Variants in PAH observed in about 807,000 individuals in gnomAD.
The protein encoded by PAH is phenylalanine-4-hydroxylase.
Under a neutral mutation model 62.0 loss-of-function variants are expected in PAH, and 64 were observed. The observed-to-expected ratio is 1.03, with a 90% confidence interval of 0.84 to 1.27. PAH has a LOEUF of 1.27. PAH is among the 50% of genes most tolerant of loss of function. The pLI is 0.00. For synonymous variants in PAH, 195 were observed against 196.2 expected (o/e 0.99, Z 0.05); for missense variants, 579 against 542.8 (o/e 1.07, Z -0.66).
intron 3 of PAH, among the ~76,000 whole-genome samples, chr12:102,891,401 C>G (rs1189286470): frequency 6.6e-6 from 1 of 152,272 alleles, no homozygotes; most frequent in Non-Finnish European, 1.5e-5. Flanking sequence ...ATGAAGGGGT[C>G]TGTAGGGCTG....
intron 3 of PAH, among the ~76,000 whole-genome samples, chr12:102,887,672 T>C (rs1877098950): frequency 6.6e-6 from 1 of 152,128 alleles, no homozygotes; most frequent in Non-Finnish European, 1.5e-5. Flanking sequence ...GTACTCCACA[T>C]AATCCCCTCC....
intron 4 of PAH, among the ~76,000 whole-genome samples, chr12:102,868,918 T>C (rs956963027): frequency 1.3e-5 from 2 of 152,222 alleles, no homozygotes; most frequent in African/African-American, 4.8e-5. Context: ...ATGTAGACTT[T>C]TGACCCTGTA....
chr12:102,842,384 T>G (rs1592946632), intron 11 of PAH, among the ~76,000 whole-genome samples: 1 of 152,106 alleles, frequency 6.6e-6, no homozygotes, highest in African/African-American at 2.4e-5. Flanking sequence ...CCACACCAAG[T>G]GGATTTGTGG....
At chr12:102,901,244 TA>T (rs1188587505) in intron 2 of PAH, among the ~76,000 whole-genome samples, 5 of 152,206 alleles carry the variant, frequency 3.3e-5, no homozygotes, top group Non-Finnish European at 5.9e-5. Flanking sequence ...TGACAAGAGA[TA>T]ATGGTATCTT....
intron 1 of PAH, among the ~76,000 whole-genome samples, chr12:102,939,776 G>A (rs752460204): frequency 1.4e-4 from 22 of 152,308 alleles, no homozygotes; most frequent in African/African-American, 2.2e-4. Flanking sequence ...AGGTACAAGC[G>A]ACAGGCCTTA....
chr12:102,884,604 G>A (rs1161901950), intron 3 of PAH, among the ~76,000 whole-genome samples: 1 of 152,130 alleles, frequency 6.6e-6, no homozygotes, highest in African/African-American at 2.4e-5. Context: ...TTTGGGGTGG[G>A]AAGAAACTGA....
At chr12:102,860,443 G>C (rs976517911) in intron 5 of PAH, among the ~76,000 whole-genome samples, 3 of 152,098 alleles carry the variant, frequency 2.0e-5, no homozygotes, top group Non-Finnish European at 2.9e-5. Context: ...CTATCCCCAT[G>C]AAGCTACCAA....
At chr12:102,853,027 G>C in intron 6 of PAH, 77 bp from the exon 7 acceptor site, 2 of 1,512,520 alleles carry the variant, frequency 1.3e-6, no homozygotes, top group Non-Finnish European at 1.8e-6. Context: ...TTAGGTAGTG[G>C]AGTAGTACAC....
intron 3 of PAH, among the ~76,000 whole-genome samples, chr12:102,881,729 G>A (rs1017834751): frequency 6.6e-6 from 1 of 152,080 alleles, no homozygotes; most frequent in Non-Finnish European, 1.5e-5. Context: ...TCTGTGTCTG[G>A]CTTATTTCAC....
intron 1 of PAH, chr12:102,958,119 G>A (rs1879983574): frequency 3.1e-6 from 2 of 652,924 alleles, no homozygotes; most frequent in East Asian, 3.5e-5. Context: ...CAGGGCTCCC[G>A]CTTCATATTT....
chr12:102,857,571 A>G (rs1875496821), intron 5 of PAH, among the ~76,000 whole-genome samples: 1 of 152,240 alleles, frequency 6.6e-6, no homozygotes, highest in Admixed American at 6.5e-5. Flanking sequence ...GGGCAGCCAG[A>G]GAGAAAGGTC....
In PAH at chr12:102,926,352, A is replaced by G. The variant is rs1878682659; in HGVS notation, c.-95-9127T>C. Among the ~76,000 whole-genome samples, 3 of 152,022 alleles carry G rather than the reference A, an allele frequency of 2.0e-5. No homozygotes were observed. The South Asian group carries it at 6.2e-4, about 32-fold the overall frequency. ...GATTTCTGGTAGAGGAAACATCTATACAAAATCTCTAATATATGAGTAAAT... is the reference window on the plus strand; with the variant it reads ...GATTTCTGGTAGAGGAAACATCTATGCAAAATCTCTAATATATGAGTAAAT... On this transcript the variant is annotated intron_variant, in intron 1 of 3. Coordinates refer to the PAH transcript ENST00000546844.
intron 3 of PAH, 125 bp from the exon 4 acceptor site, chr12:102,877,675 C>T: frequency 1.3e-6 from 1 of 749,930 alleles, no homozygotes; most frequent in Non-Finnish European, 2.4e-6. Context: ...CCAGATAACC[C>T]CCAAATTACT....
At chr12:102,921,228 G>A (rs980648083), upstream of PAH, among the ~76,000 whole-genome samples, 17 of 152,140 alleles carry the variant, frequency 1.1e-4, no homozygotes, top group African/African-American at 4.1e-4. Flanking sequence ...AGCATAAGCT[G>A]GTGTCTTGTT....
At chr12:102,844,800 G>C (rs887058291) in intron 9 of PAH, among the ~76,000 whole-genome samples, 1 of 152,138 alleles carries the variant, frequency 6.6e-6, no homozygotes, top group African/African-American at 2.4e-5. Flanking sequence ...ACCACCCAGG[G>C]GTTCTCAGGC....
chr12:102,918,572 T>G (rs35048664), upstream of PAH, among the ~76,000 whole-genome samples: 56,435 of 146,486 alleles, frequency 0.39, 11,546 homozygotes, highest in African/African-American at 0.56. Context: ...TTTTTTTTGT[T>G]TTTTTTTTTT....
chr12:102,949,039 G>A (rs189881683), intron 1 of PAH, among the ~76,000 whole-genome samples: 1 of 152,082 alleles, frequency 6.6e-6, no homozygotes, highest in Admixed American at 6.5e-5. Context: ...GGCAGGTGGC[G>A]AACGACCCAC....
chr12:102,893,355 G>A (rs533032184), intron 3 of PAH, among the ~76,000 whole-genome samples: 297 of 152,084 alleles, frequency 2.0e-3, no homozygotes, highest in African/African-American at 6.9e-3. Context: ...AGCTGAGATC[G>A]CACCATTGCA....
chr12:102,885,646 G>C (rs1877009165), intron 3 of PAH, among the ~76,000 whole-genome samples: 1 of 152,184 alleles, frequency 6.6e-6, no homozygotes, highest in African/African-American at 2.4e-5. Context: ...GGACGCCAAG[G>C]GGTGGCTGGC....
Sources: allele counts gnomAD v4.1 joint callset (sites outside exome capture counted in the v4.1 genomes callset), GRCh38; gene constraint gnomAD v4.1.1; transcripts MANE v1.5; gene names NCBI Gene and HGNC (gene_info 2026-07-23, HGNC 2026-07-21).